Variants in CACNB2 observed in about 807,000 individuals in gnomAD.
CACNB2 encodes the protein voltage-dependent L-type calcium channel subunit beta-2.
A neutral mutation model predicts 73.3 loss-of-function variants in CACNB2; 42 were observed. The observed-to-expected ratio is 0.57, with a 90% CI of 0.45 to 0.74. The LOEUF (loss-of-function observed/expected upper bound fraction) is 0.74, where lower values mean the gene tolerates loss of function less well. Among genes scored for constraint, CACNB2 ranks in the 30% least tolerant of loss-of-function variants. The probability of loss-of-function intolerance (pLI) is 0.00; values close to 1 mark genes in which losing one functional copy is unlikely to be tolerated. For synonymous variants in CACNB2, 348 were observed against 310.3 expected (o/e 1.12, Z -1.28); for missense variants, 940 against 853.0 (o/e 1.10, Z -1.27).
chr10:18,343,028 C>T (rs2041296258), intron 2 of CACNB2, among the ~76,000 whole-genome samples: 1 of 152,242 alleles, frequency 6.6e-6, no homozygotes, highest in African/African-American at 2.4e-5. Flanking sequence ...TTAGAAATTA[C>T]CCATTTAATT....
At position 18,420,020 on chromosome 10, in the gene CACNB2, C is replaced by T. The variant is rs186973320; in HGVS notation, c.333+17977C>T. Reference sequence around the variant, plus strand: ...ATTTAGTTAGTTAGCATCATTAACTCGTTCCCTCAACTGTAAGTATCTTAT... The same window carrying T: ...ATTTAGTTAGTTAGCATCATTAACTTGTTCCCTCAACTGTAAGTATCTTAT... On this transcript the variant is annotated intron_variant, in intron 3 of 13. Coordinates refer to ENST00000324631, the MANE Select transcript of CACNB2 (RefSeq NM_201596.3). 2.4e-3 allele frequency among the ~76,000 whole-genome samples: 363 copies of T among 152,224 alleles called. 3 individuals carry two copies. Among genetic ancestry groups the T allele is most frequent in the South Asian group, 0.014 (68 of 4,812 alleles).
At chr10:18,282,759 C>A (rs1478798951) in intron 2 of CACNB2, among the ~76,000 whole-genome samples, 1 of 152,014 alleles carries the variant, frequency 6.6e-6, no homozygotes, top group Non-Finnish European at 1.5e-5. Context: ...AGTCCATTTC[C>A]ACACTGCTGA....
intron 3 of CACNB2, among the ~76,000 whole-genome samples, chr10:18,472,306 G>A (rs28422908): frequency 2.2e-5 from 3 of 139,208 alleles, no homozygotes; most frequent in South Asian, 2.2e-4. Flanking sequence ...CTGGGATCTC[G>A]GCTCACTGCA....
At chr10:18,290,440 T>G (rs771635034) in intron 2 of CACNB2, among the ~76,000 whole-genome samples, 3 of 152,180 alleles carry the variant, frequency 2.0e-5, no homozygotes, top group Non-Finnish European at 4.4e-5. Context: ...ACATCCAGTT[T>G]CTGGCTCCCT....
chr10:18,447,379 G>T (rs1453216508), intron 3 of CACNB2, among the ~76,000 whole-genome samples: 1 of 152,176 alleles, frequency 6.6e-6, no homozygotes, highest in Non-Finnish European at 1.5e-5. Flanking sequence ...TCACCTAGGG[G>T]TGATCATTGA....
At chr10:18,392,079 A>T (rs1473839322) in intron 2 of CACNB2, among the ~76,000 whole-genome samples, 1 of 152,156 alleles carries the variant, frequency 6.6e-6, no homozygotes, top group Non-Finnish European at 1.5e-5. Context: ...TTGAGCAAAG[A>T]CTTAGAGGAG....
chr10:18,529,162 A>G (rs1440226056), intron 10 of CACNB2, among the ~76,000 whole-genome samples: 3 of 152,250 alleles, frequency 2.0e-5, no homozygotes, highest in Non-Finnish European at 4.4e-5. Context: ...TTCATAAATT[A>G]AACTGAATTA....
intron 2 of CACNB2, among the ~76,000 whole-genome samples, chr10:18,210,758 A>T (rs1366606579): frequency 6.6e-6 from 1 of 152,128 alleles, no homozygotes; most frequent in African/African-American, 2.4e-5. Flanking sequence ...TTTCCTCTCA[A>T]CCTGTCTCAT....
At chr10:18,292,869 A>G (rs1376029984) in intron 2 of CACNB2, among the ~76,000 whole-genome samples, 4 of 152,184 alleles carry the variant, frequency 2.6e-5, no homozygotes, top group Non-Finnish European at 4.4e-5. Flanking sequence ...GTGTGTCTAA[A>G]CACCAAATTT....
At chr10:18,205,797 C>T (rs2035065064) in intron 2 of CACNB2, among the ~76,000 whole-genome samples, 1 of 152,108 alleles carries the variant, frequency 6.6e-6, no homozygotes, top group African/African-American at 2.4e-5. Flanking sequence ...AAACCTAACT[C>T]CTCCAGTGAT....
At chr10:18,252,253 C>T (rs180957804) in intron 2 of CACNB2, among the ~76,000 whole-genome samples, 92 of 152,302 alleles carry the variant, frequency 6.0e-4, no homozygotes, top group Middle Eastern at 3.4e-3. Flanking sequence ...GGGCATTTAC[C>T]GGAAGGAATG....
chr10:18,272,646 C>G (rs1234155305), intron 2 of CACNB2, among the ~76,000 whole-genome samples: 3 of 109,950 alleles, frequency 2.7e-5, no homozygotes, highest in Non-Finnish European at 2.1e-5. Flanking sequence ...TGATAGTGAA[C>G]AAGTCTTACA....
At chr10:18,224,956 C>G (rs571851486) in intron 2 of CACNB2, among the ~76,000 whole-genome samples, 7 of 152,162 alleles carry the variant, frequency 4.6e-5, no homozygotes, top group Non-Finnish European at 8.8e-5. Flanking sequence ...TCAGGATGAG[C>G]CTAGTGTGGA....
At chr10:18,217,982 G>A (rs1779246) in intron 2 of CACNB2, among the ~76,000 whole-genome samples, 124,244 of 152,038 alleles carry the variant, frequency 0.82, 51,027 homozygotes, top group African/African-American at 0.9. Context: ...AGCCCCTTGT[G>A]TCTTCGGTAT....
intron 2 of CACNB2, among the ~76,000 whole-genome samples, chr10:18,278,376 G>T (rs960857503): frequency 1.3e-5 from 2 of 152,090 alleles, no homozygotes; most frequent in African/African-American, 4.8e-5. Flanking sequence ...TCATGAGTCT[G>T]CATTGATGTG....
intron 2 of CACNB2, among the ~76,000 whole-genome samples, chr10:18,395,528 A>G (rs1480632058): frequency 2.0e-5 from 3 of 152,200 alleles, no homozygotes; most frequent in Non-Finnish European, 4.4e-5. Flanking sequence ...TGTTTTCAGT[A>G]TTTAGCTCAC....
chr10:18,328,933 A>G (rs962492340), intron 2 of CACNB2, among the ~76,000 whole-genome samples: 10 of 152,150 alleles, frequency 6.6e-5, no homozygotes, highest in African/African-American at 2.4e-4. Flanking sequence ...TTTTCATTTG[A>G]TACTCAGAGA....
Position 18,530,513 on chromosome 10 carries a change from CAAAA to C in CACNB2, c.1054+2829_1054+2832del, listed in dbSNP as rs5783609. Among the ~76,000 whole-genome samples the C allele has an allele frequency of 6.0e-3, 773 of 129,324 alleles. 1 individual carries two copies. Among genetic ancestry groups the C allele is most frequent in the Non-Finnish European group, 9.5e-3 (581 of 61,392 alleles). 84.8% of individuals were successfully genotyped at this position (129,324 alleles called of 152,430 possible). A position where few individuals can be genotyped will look rare whatever the true frequency, so the allele number is the denominator to read the frequency against. On this transcript the variant is annotated intron_variant, in intron 10 of 13. Coordinates refer to ENST00000324631, the MANE Select transcript of CACNB2 (RefSeq NM_201596.3). ...ATAAAATGCAAGAAGTACAAAAATG[CAAAA>C]AAAAAAAAAAAATGCAGTTGGGCAA...
intron 2 of CACNB2, among the ~76,000 whole-genome samples, chr10:18,241,617 G>T (rs1429862932): frequency 1.3e-5 from 2 of 151,788 alleles, no homozygotes; most frequent in African/African-American, 4.8e-5. Flanking sequence ...GACCTATAAA[G>T]AGGTACATGG....
Sources: allele counts gnomAD v4.1 joint callset (sites outside exome capture counted in the v4.1 genomes callset), GRCh38; gene constraint gnomAD v4.1.1; transcripts MANE v1.5; gene names NCBI Gene and HGNC (gene_info 2026-07-23, HGNC 2026-07-21).